The following GPC5 variants were observed in gnomAD, a reference collection of about 807,000 sequenced individuals.
The protein encoded by GPC5 is glypican 5.
GPC5 carries 47 observed loss-of-function variants against 53.9 expected under a neutral mutation model. The observed-to-expected ratio is 0.87, with a 90% CI of 0.69 to 1.11. The LOEUF is 1.11. GPC5 is among the 50% of genes most tolerant of loss of function. The probability of loss-of-function intolerance (pLI) is 0.00; values close to 1 mark genes in which losing one functional copy is unlikely to be tolerated. For missense variants in GPC5, 748 were observed against 713.1 expected (o/e 1.05, Z -0.56); for synonymous variants, 286 against 263.3 (o/e 1.09, Z -0.84).
intron 7 of GPC5, among the ~76,000 whole-genome samples, chr13:92,703,285 A>G (rs1354828609): frequency 6.6e-6 from 1 of 151,652 alleles, no homozygotes; most frequent in Non-Finnish European, 1.5e-5. Flanking sequence ...GAATATGTAC[A>G]TGTGTCCCTT....
intron 2 of GPC5, among the ~76,000 whole-genome samples, chr13:91,512,216 C>T (rs1187902501): frequency 6.6e-6 from 1 of 152,186 alleles, no homozygotes; most frequent in African/African-American, 2.4e-5. Context: ...AGGCTAATTC[C>T]ACAAAGCAAA....
At chr13:92,178,281 C>G (rs1265811733) in intron 7 of GPC5, among the ~76,000 whole-genome samples, 2 of 152,084 alleles carry the variant, frequency 1.3e-5, no homozygotes, top group Non-Finnish European at 2.9e-5. Flanking sequence ...AGCATGTCAG[C>G]AGATGTGGAT....
chr13:92,522,890 A>G (rs1283963419), intron 7 of GPC5, among the ~76,000 whole-genome samples: 1 of 152,156 alleles, frequency 6.6e-6, no homozygotes, highest in Non-Finnish European at 1.5e-5. Flanking sequence ...ATAAAGAAGC[A>G]TAACAGAGAA....
chr13:92,164,501 A>G (rs778745285), intron 7 of GPC5, among the ~76,000 whole-genome samples: 10 of 152,224 alleles, frequency 6.6e-5, no homozygotes, highest in African/African-American at 9.6e-5. Flanking sequence ...TCCAGGTCAC[A>G]CTGATGCAAG....
chr13:91,582,065 T>G (rs564587636), intron 2 of GPC5, among the ~76,000 whole-genome samples: 61 of 152,082 alleles, frequency 4.0e-4, no homozygotes, highest in African/African-American at 1.4e-3. Flanking sequence ...AAGTTTGCCT[T>G]GGTGTAGACA....
At chr13:91,896,798 A>G (rs905584434) in intron 5 of GPC5, among the ~76,000 whole-genome samples, 2 of 152,204 alleles carry the variant, frequency 1.3e-5, no homozygotes, top group Non-Finnish European at 2.9e-5. Flanking sequence ...AGGCACATGT[A>G]GTTTTATGGA....
chr13:91,710,095 A>G (rs1278032216), intron 3 of GPC5, among the ~76,000 whole-genome samples: 4 of 152,134 alleles, frequency 2.6e-5, no homozygotes, highest in African/African-American at 4.8e-5. Context: ...ACATTCTTCT[A>G]TGTCCACCTC....
intron 1 of GPC5, among the ~76,000 whole-genome samples, chr13:91,432,203 C>CTGTGTGTGTGTG (rs757953581): frequency 9.7e-4 from 132 of 136,446 alleles, no homozygotes; most frequent in Middle Eastern, 3.7e-3. Flanking sequence ...GCTGCTGCTG[C>CTGTGTGTGTGTG]TGTGTGTGTG....
chr13:92,419,358 G>A (rs1178094214), intron 7 of GPC5, among the ~76,000 whole-genome samples: 2 of 151,734 alleles, frequency 1.3e-5, no homozygotes, highest in Non-Finnish European at 2.9e-5. Context: ...CTTTCATAAC[G>A]CATCACTCTC....
At chr13:91,917,460 A>G (rs548817166) in intron 6 of GPC5, among the ~76,000 whole-genome samples, 1 of 152,280 alleles carries the variant, frequency 6.6e-6, no homozygotes, top group South Asian at 2.1e-4. Context: ...GTAGGGTCCA[A>G]GCTGTTGGTG....
At chr13:91,410,167 T>A (rs1279204885) in intron 1 of GPC5, among the ~76,000 whole-genome samples, 1 of 152,128 alleles carries the variant, frequency 6.6e-6, no homozygotes, top group African/African-American at 2.4e-5. Flanking sequence ...CTTTTCCCTT[T>A]CAGTGGTTTT....
intron 4 of GPC5, among the ~76,000 whole-genome samples, chr13:91,751,398 G>A (rs1017457907): frequency 5.9e-5 from 9 of 152,286 alleles, no homozygotes; most frequent in Admixed American, 1.3e-4. Flanking sequence ...ACATACCATT[G>A]GTTGAGAACA....
intron 7 of GPC5, among the ~76,000 whole-genome samples, chr13:92,584,497 G>T (rs1188224917): frequency 2.6e-5 from 4 of 152,180 alleles, no homozygotes; most frequent in African/African-American, 9.7e-5. Flanking sequence ...TGACTTGGGT[G>T]CTGTTAAAGG....
chr13:91,582,765 C>A (rs1298815938), intron 2 of GPC5, among the ~76,000 whole-genome samples: 1 of 152,178 alleles, frequency 6.6e-6, no homozygotes, highest in East Asian at 1.9e-4. Flanking sequence ...GTAATCCCAG[C>A]ACCTTGGGAG....
At chr13:91,775,799 C>A (rs141557447) in intron 5 of GPC5, among the ~76,000 whole-genome samples, 1 of 152,110 alleles carries the variant, frequency 6.6e-6, no homozygotes, top group Non-Finnish European at 1.5e-5. Context: ...CTAGATTACT[C>A]CATGAGTGAG....
chr13:91,905,310 T>C (rs2039541887), intron 5 of GPC5, among the ~76,000 whole-genome samples: 1 of 151,880 alleles, frequency 6.6e-6, no homozygotes, highest in East Asian at 1.9e-4. Context: ...TCTCTCTATA[T>C]ATTTATTTAT....
In GPC5 at chr13:91,971,735, T is replaced by G. The variant is rs575243247; in HGVS notation, c.1401+63678T>G. On this transcript the variant is annotated intron_variant, in intron 6 of 7. Transcript: ENST00000377067. ...CATTTCGTTATGTACCCAGTAGTCA[T>G]TCAGAAGCATGTTGTTAAGTTTCCA... Among the ~76,000 whole-genome samples, 8 of 152,368 alleles carry G rather than the reference T, an allele frequency of 5.3e-5. No individual in the cohort carries two copies. The South Asian group carries it at 1.7e-3, about 32-fold the overall frequency.
chr13:91,549,909 A>G (rs2030526980), intron 2 of GPC5, among the ~76,000 whole-genome samples: 1 of 152,156 alleles, frequency 6.6e-6, no homozygotes, highest in South Asian at 2.1e-4. Context: ...CCCTGCTTTT[A>G]CCCAATTTAG....
intron 7 of GPC5, among the ~76,000 whole-genome samples, chr13:92,314,590 A>T (rs1048349812): frequency 1.3e-5 from 2 of 152,224 alleles, no homozygotes; most frequent in African/African-American, 4.8e-5. Flanking sequence ...AAAAAGGCCA[A>T]TTCCAGTCAT....
Sources: allele counts gnomAD v4.1 joint callset (sites outside exome capture counted in the v4.1 genomes callset), GRCh38; gene constraint gnomAD v4.1.1; transcripts MANE v1.5; gene names NCBI Gene and HGNC (gene_info 2026-07-23, HGNC 2026-07-21).